The following ZNF486 variants were observed in gnomAD, a reference collection of about 807,000 sequenced individuals.
ZNF486 encodes the protein KRAB box only protein 2.
In ZNF486, 12 loss-of-function variants were observed where a neutral mutation model predicts 12.8. The ratio of observed to expected loss-of-function variants is 0.94; its 90% CI spans 0.60 to 1.52. The LOEUF (loss-of-function observed/expected upper bound fraction) is 1.52, where lower values mean the gene tolerates loss of function less well. ZNF486 is among the 40% of genes most tolerant of loss of function. The probability of loss-of-function intolerance (pLI) is 0.00; values close to 1 mark genes in which losing one functional copy is unlikely to be tolerated. For synonymous variants in ZNF486, 231 were observed against 184.9 expected (o/e 1.25, Z -2.02); for missense variants, 738 against 545.0 (o/e 1.35, Z -3.53).
chr19:20,183,650 C>T (rs2089810757), intron 1 of ZNF486, among the ~76,000 whole-genome samples: 2 of 151,934 alleles, frequency 1.3e-5, no homozygotes, highest in Non-Finnish European at 2.9e-5. Context: ...GGTGAAATAG[C>T]TCTCTGACAG....
At chr19:20,185,373 C>A (rs1311414088) in intron 2 of ZNF486, among the ~76,000 whole-genome samples, 1 of 141,958 alleles carries the variant, frequency 7.0e-6, no homozygotes, top group East Asian at 2.0e-4. Context: ...GTGTATTTGT[C>A]AGTTTAGAAA....
intron 1 of ZNF486, among the ~76,000 whole-genome samples, chr19:20,168,392 C>A (rs1311897778): frequency 3.9e-5 from 6 of 152,164 alleles, no homozygotes; most frequent in Non-Finnish European, 5.9e-5. Context: ...CAGTGGCTCA[C>A]GCCTGTAATC....
rs190820069 is a variant in ZNF486, at chr19:20,174,203, C to G, written c.30+6843C>G. On this transcript the variant is annotated intron_variant, in intron 1 of 3. Transcript: ENST00000335117. ...AAACCAGATTATCCAAGGAAATTAT[C>G]CAATATTTGCAGGCTGAAGTACTTA... 3.3e-5 allele frequency among the ~76,000 whole-genome samples: 5 copies of G among 152,176 alleles called. No individual in the cohort carries two copies. In the East Asian group the frequency reaches 9.7e-4, roughly 29 times the overall value.
In ZNF486 at chr19:20,167,264, C is replaced by T. The variant is rs782291815; in HGVS notation, c.-67C>T. On this transcript the variant is annotated 5_prime_UTR_variant, in exon 1 of 4. Coordinates refer to ENST00000335117, the MANE Select transcript of ZNF486 (RefSeq NM_052852.4). ...GGTCGCCTCTTCGCTACTCTGTGTC[C>T]TCTGCTCCTAGAGGCCCACCCTCTG... The T allele has an allele frequency of 7.5e-6, 12 of 1,601,168 alleles. No individual in the cohort carries two copies. Among genetic ancestry groups the T allele is most frequent in the Admixed American group, 6.7e-5 (4 of 59,964 alleles).
chr19:20,181,689 A>T (rs1430092622), intron 1 of ZNF486, among the ~76,000 whole-genome samples: 2 of 152,248 alleles, frequency 1.3e-5, no homozygotes, highest in African/African-American at 2.4e-5. Flanking sequence ...CAAGTCACAG[A>T]AAAGTAAATA....
chr19:20,186,947 T>A (rs1213428143), intron 3 of ZNF486, among the ~76,000 whole-genome samples: 2 of 151,950 alleles, frequency 1.3e-5, no homozygotes, highest in African/African-American at 4.8e-5. Flanking sequence ...CATGCCTGGC[T>A]AATTTTTTTT....
At chr19:20,169,363 C>G (rs548376854) in intron 1 of ZNF486, among the ~76,000 whole-genome samples, 1 of 152,326 alleles carries the variant, frequency 6.6e-6, no homozygotes, top group Admixed American at 6.5e-5. Flanking sequence ...TCCGCCTTGG[C>G]CTCCCAAAGT....
intron 3 of ZNF486, 81 bp downstream of exon 3, chr19:20,186,163 G>A: frequency 2.0e-6 from 2 of 1,015,986 alleles, no homozygotes; most frequent in Non-Finnish European, 1.4e-6. Context: ...TCCTTAAAAT[G>A]TGATCTGGGA....
At position 20,198,224 on chromosome 19, in the gene ZNF486, C is replaced by T; in HGVS notation, c.*122C>T. 1 of 789,550 alleles carries T rather than the reference C, an allele frequency of 1.3e-6. No homozygotes were observed. Among genetic ancestry groups the T allele is most frequent in the Non-Finnish European group, 2.0e-6 (1 of 498,214 alleles). The allele number at this position is 789,550 out of a possible 1,614,324, so 48.9% of individuals were successfully genotyped here. ...CTCCACCTTCTGGGTTCAAGTAACT[C>T]TCCTTAGTAGCTAGGATTACAGGGC... On this transcript the variant is annotated 3_prime_UTR_variant, in exon 4 of 4. Coordinates refer to ENST00000335117, the MANE Select transcript of ZNF486 (RefSeq NM_052852.4).
At chr19:20,188,745 C>T (rs781857689) in intron 3 of ZNF486, 7 of 315,002 alleles carry the variant, frequency 2.2e-5, no homozygotes, top group Non-Finnish European at 4.0e-5. Flanking sequence ...AAAACTAAAA[C>T]TCAATACCCA....
At chr19:20,186,735 A>C (rs111538133) in intron 3 of ZNF486, among the ~76,000 whole-genome samples, 15 of 150,208 alleles carry the variant, frequency 1.0e-4, no homozygotes, top group Admixed American at 2.7e-4. Flanking sequence ...CACTCTGGTT[A>C]ATACGGCAAT....
intron 3 of ZNF486, among the ~76,000 whole-genome samples, chr19:20,193,751 TTTA>T (rs782578477): frequency 1.8e-4 from 27 of 152,210 alleles, no homozygotes; most frequent in Non-Finnish European, 2.6e-4. Flanking sequence ...TACTGTTATT[TTTA>T]TTAATTGTTT....
rs919757270 is a variant in ZNF486, at chr19:20,186,080, C to G, written c.251C>G (p.Pro84Arg). The G allele has an allele frequency of 4.4e-6, 7 of 1,578,458 alleles. No homozygotes were observed. The highest frequency in any genetic ancestry group is 4.7e-5 in the East Asian group (2 of 42,370). The stretch of plus-strand genomic sequence containing the variant: ...AGACATGAGATGATTGCCAAACCCC[C>G]AGGTAGGTGCGAATGAAAATGAACA... ...MKRHEMIAKP[P>R]VVCSHFAQDL... Residue 84 changes from proline (P) to arginine (R), a missense_variant and splice_region_variant, in exon 3 of 4, where the codon CCA becomes CGA. By Grantham distance (103) the Pro-to-Arg change is moderately radical (BLOSUM62 -2). Transcript: ENST00000335117.
At chr19:20,185,780 T>C (rs1403684946) in intron 2 of ZNF486, among the ~76,000 whole-genome samples, 72 of 149,956 alleles carry the variant, frequency 4.8e-4, no homozygotes, top group African/African-American at 1.8e-3. Flanking sequence ...ACAGCAACTT[T>C]TTACTTATTT....
rs2089972573 is a variant in ZNF486 at position 20,197,574 on chromosome 19, T to C, written c.864T>C (p.His288=). 1.9e-6 allele frequency: 3 copies of C among 1,613,628 alleles called. No homozygotes were observed. Among genetic ancestry groups the C allele is most frequent in the Non-Finnish European group, 2.5e-6 (3 of 1,179,838 alleles). Residue 288 remains histidine, a synonymous_variant, in exon 4 of 4, where the codon CAT becomes CAC. Transcript: ENST00000335117. ...PYTLTTHKII[H]TGEQPYKCKE... ...CCCTTACTACACATAAGATAATCCA[T>C]ACTGGAGAGCAACCCTACAAATGTA...
intron 1 of ZNF486, among the ~76,000 whole-genome samples, chr19:20,183,116 G>A (rs1311667916): frequency 2.0e-5 from 3 of 152,110 alleles, no homozygotes; most frequent in African/African-American, 7.2e-5. Flanking sequence ...AGCTTTCTCT[G>A]CATTCTCTAT....
At chr19:20,188,804 C>T (rs894133089) in intron 3 of ZNF486, 6 of 212,040 alleles carry the variant, frequency 2.8e-5, no homozygotes, top group East Asian at 1.0e-4. Context: ...GACAGACAAA[C>T]CTTCCACTTT....
chr19:20,176,364 C>T, intron 1 of ZNF486: 1 of 155,326 alleles, frequency 6.4e-6, no homozygotes, highest in Non-Finnish European at 1.3e-5. Context: ...CAGAGGGGCC[C>T]CTCACATCCC....
chr19:20,167,221 G>C lies in ZNF486; in HGVS notation c.-110G>C, dbSNP rs782050657. 1 of 1,383,856 alleles carries C rather than the reference G, an allele frequency of 7.2e-7. No homozygotes were observed. The allele number at this position is 1,383,856 out of a possible 1,614,324, so 85.7% of individuals were successfully genotyped here. A position where few individuals can be genotyped will look rare whatever the true frequency, so the allele number is the denominator to read the frequency against. ...GGGTTTGGCGCGGCCTTTGTCTCTC[G>C]CTGCATCTGGAGCTCTAGGTCGCCT... On this transcript the variant is annotated 5_prime_UTR_variant, in exon 1 of 4. Coordinates refer to ENST00000335117, the MANE Select transcript of ZNF486 (RefSeq NM_052852.4).
Sources: gnomAD v4.1 joint callset for allele counts (sites outside exome capture counted in the v4.1 genomes callset) on GRCh38, gnomAD v4.1.1 for gene constraint, MANE v1.5 for transcripts, NCBI Gene and HGNC (gene_info 2026-07-23, HGNC 2026-07-21) for gene names.